PDCL2: variants seen among roughly 807,000 people sequenced by gnomAD.
PDCL2 encodes phosducin-like protein 2.
Under a neutral mutation model 30.3 loss-of-function variants are expected in PDCL2, and 23 were observed. The ratio of observed to expected loss-of-function variants is 0.76; its 90% CI spans 0.55 to 1.08. The LOEUF is 1.08. Among genes scored for constraint, PDCL2 ranks in the 50% least tolerant of loss-of-function variants. PDCL2 has a pLI of 0.00. For missense variants in PDCL2, 243 were observed against 282.3 expected (o/e 0.86, Z 1.00); for synonymous variants, 68 against 86.2 (o/e 0.79, Z 1.17).
chr4:55,560,721 C>G (rs1231945128), intron 5 of PDCL2, among the ~76,000 whole-genome samples: 1 of 152,110 alleles, frequency 6.6e-6, no homozygotes, highest in Non-Finnish European at 1.5e-5. Context: ...ATGTTGAAAT[C>G]CTAATGCCCA....
chr4:55,568,716 G>A (rs1198494730), intron 4 of PDCL2, among the ~76,000 whole-genome samples: 2 of 152,082 alleles, frequency 1.3e-5, no homozygotes, highest in Non-Finnish European at 2.9e-5. Flanking sequence ...ACAGACACAA[G>A]AAAAATATTC....
At chr4:55,558,726 A>G (rs1015318832) in intron 5 of PDCL2, among the ~76,000 whole-genome samples, 1 of 152,224 alleles carries the variant, frequency 6.6e-6, no homozygotes, top group African/African-American at 2.4e-5. Context: ...TTCAAAAGAA[A>G]GCACGAAACA....
chr4:55,566,280 C>G (rs1732266472), intron 4 of PDCL2, among the ~76,000 whole-genome samples: 1 of 151,556 alleles, frequency 6.6e-6, no homozygotes, highest in African/African-American at 2.4e-5. Context: ...CCGAGCCTGG[C>G]CAGTAAATCC....
intron 1 of PDCL2, among the ~76,000 whole-genome samples, chr4:55,585,542 AG>A (rs1560505575): frequency 6.6e-6 from 1 of 151,928 alleles, no homozygotes; most frequent in African/African-American, 2.4e-5. Flanking sequence ...ACACACACAC[AG>A]ACACACACAC....
intron 1 of PDCL2, among the ~76,000 whole-genome samples, chr4:55,584,380 C>G (rs1732806350): frequency 6.6e-6 from 1 of 152,040 alleles, no homozygotes; most frequent in Admixed American, 6.6e-5. Context: ...CCTCAGCCTC[C>G]CGAGTAGCTG....
chr4:55,586,877 G>A (rs754030187), intron 1 of PDCL2, among the ~76,000 whole-genome samples: 7 of 152,086 alleles, frequency 4.6e-5, no homozygotes, highest in Non-Finnish European at 1.0e-4. Context: ...TGGGTGTGAA[G>A]TAGACTGTGG....
In PDCL2 at chr4:55,568,603, T is replaced by C. The variant is rs76125361; in HGVS notation, c.362+1115A>G. 3.3e-5 allele frequency among the ~76,000 whole-genome samples: 5 copies of C among 152,320 alleles called. No individual in the cohort carries two copies. In the East Asian group the frequency reaches 9.6e-4, roughly 29 times the overall value. On this transcript the variant is annotated intron_variant, in intron 4 of 5. Coordinates refer to ENST00000295645, the MANE Select transcript of PDCL2 (RefSeq NM_152401.3). ...TTTGTTAGGTGAGAAAATGGTATTG[T>C]GGTTATGTAGAAGAACGTTCTTGAA...
intron 2 of PDCL2, among the ~76,000 whole-genome samples, chr4:55,581,301 A>G (rs1560504267): frequency 6.6e-6 from 1 of 152,158 alleles, no homozygotes; most frequent in Non-Finnish European, 1.5e-5. Flanking sequence ...TCTCAAAAAA[A>G]CAAACAAAAA....
At chr4:55,586,963 C>A (rs1032879431) in intron 1 of PDCL2, among the ~76,000 whole-genome samples, 1 of 145,406 alleles carries the variant, frequency 6.9e-6, no homozygotes, top group African/African-American at 2.8e-5. Context: ...TGGAGATCTT[C>A]TTTTAAGAAA....
At chr4:55,571,967 G>A (rs977719498) in intron 3 of PDCL2, among the ~76,000 whole-genome samples, 2 of 151,950 alleles carry the variant, frequency 1.3e-5, no homozygotes, top group East Asian at 3.9e-4. Flanking sequence ...GATCTTACTG[G>A]CTTAATATCA....
intron 3 of PDCL2, among the ~76,000 whole-genome samples, chr4:55,580,051 T>C (rs113274019): frequency 0.033 from 4,975 of 152,062 alleles, 282 homozygotes; most frequent in African/African-American, 0.11. Flanking sequence ...TTCTGCATGT[T>C]GGTCAGGCTG....
intron 3 of PDCL2, among the ~76,000 whole-genome samples, chr4:55,573,347 C>G (rs1331919523): frequency 1.3e-5 from 2 of 151,924 alleles, no homozygotes; most frequent in Non-Finnish European, 2.9e-5. Context: ...TATTTTACAG[C>G]TAATTATCTA....
intron 4 of PDCL2, among the ~76,000 whole-genome samples, chr4:55,563,542 C>G (rs1192311631): frequency 6.6e-6 from 1 of 152,108 alleles, no homozygotes; most frequent in African/African-American, 2.4e-5. Flanking sequence ...TTTTAGGGGC[C>G]AAGGGAAAAC....
chr4:55,581,944 T>C (rs893494852), intron 2 of PDCL2, among the ~76,000 whole-genome samples, 173 bp downstream of exon 2: 1 of 152,168 alleles, frequency 6.6e-6, no homozygotes, highest in Non-Finnish European at 1.5e-5. Flanking sequence ...CCTGACCTCG[T>C]GATCCGCTGG....
At chr4:55,588,347 G>T (rs1398869123) in intron 1 of PDCL2, among the ~76,000 whole-genome samples, 1 of 151,680 alleles carries the variant, frequency 6.6e-6, no homozygotes, top group South Asian at 2.1e-4. Flanking sequence ...TTATGTAAAA[G>T]TGCAGACTCA....
At chr4:55,564,832 C>A (rs541963159) in intron 4 of PDCL2, among the ~76,000 whole-genome samples, 1 of 152,282 alleles carries the variant, frequency 6.6e-6, no homozygotes, top group South Asian at 2.1e-4. Flanking sequence ...AATGAAACCA[C>A]CTTTGTAAAA....
At chr4:55,590,715 G>A (rs1196919539) in intron 1 of PDCL2, among the ~76,000 whole-genome samples, 1 of 151,428 alleles carries the variant, frequency 6.6e-6, no homozygotes, top group Non-Finnish European at 1.5e-5. Context: ...GGCTGGTCTT[G>A]AACTCCTGAC....
At chr4:55,564,848 A>G (rs1031603898) in intron 4 of PDCL2, among the ~76,000 whole-genome samples, 7 of 152,248 alleles carry the variant, frequency 4.6e-5, no homozygotes, top group African/African-American at 1.7e-4. Flanking sequence ...TAAAAATTTT[A>G]ACAGTGAGAG....
intron 5 of PDCL2, among the ~76,000 whole-genome samples, chr4:55,559,508 C>T (rs549419152): frequency 2.3e-4 from 35 of 152,148 alleles, no homozygotes; most frequent in African/African-American, 6.7e-4. Flanking sequence ...AATATAATGC[C>T]CTTTATTAAA....
Sources: gnomAD v4.1 joint callset for allele counts (sites outside exome capture counted in the v4.1 genomes callset) on GRCh38, gnomAD v4.1.1 for gene constraint, MANE v1.5 for transcripts, NCBI Gene and HGNC (gene_info 2026-07-23, HGNC 2026-07-21) for gene names.